Variants in CHD9 observed in about 807,000 individuals in gnomAD.
CHD9 encodes chromodomain helicase DNA binding protein 9.
CHD9 carries 77 observed loss-of-function variants against 316.1 expected under a neutral mutation model. The observed-to-expected ratio is 0.24, with a 90% CI of 0.20 to 0.29. CHD9 has a LOEUF of 0.29. Among genes scored for constraint, CHD9 ranks in the 10% least tolerant of loss-of-function variants. CHD9 has a pLI of 1.00. For missense variants in CHD9, 2,763 were observed against 3,438.1 expected (o/e 0.80, Z 4.91); for synonymous variants, 1,129 against 1,158.3 (o/e 0.97, Z 0.51).
At chr16:53,298,091 A>G (rs2054970220) in intron 30 of CHD9, 1 of 152,234 alleles carries the variant, frequency 6.6e-6, no homozygotes, top group Non-Finnish European at 1.5e-5. Flanking sequence ...TTTAAAAGGG[A>G]AAGAGCTAAC....
chr16:53,063,191 G>A (rs1418675865), intron 1 of CHD9, among the ~76,000 whole-genome samples: 2 of 143,474 alleles, frequency 1.4e-5, no homozygotes, highest in Non-Finnish European at 3.1e-5. Context: ...ACTATTTGAG[G>A]TAGGGACTCT....
rs540216225 is a variant in CHD9 at position 53,147,343 on chromosome 16, A to T, written c.-164-8583A>T. Among the ~76,000 whole-genome samples the T allele has an allele frequency of 7.2e-5, 11 of 152,248 alleles. No individual in the cohort carries two copies. In the South Asian group the frequency reaches 2.3e-3, roughly 32 times the overall value. On this transcript the variant is annotated intron_variant, in intron 1 of 38. Coordinates refer to ENST00000447540, the MANE Select transcript of CHD9 (RefSeq NM_001308319.2). ...AGAACGTATATTCCTGACTTTCAAGATTGTTTTTAATTGTAAGATCCATTT... is the reference window on the plus strand; with the variant it reads ...AGAACGTATATTCCTGACTTTCAAGTTTGTTTTTAATTGTAAGATCCATTT...
At chr16:53,301,666 A>G (rs534114994) in intron 30 of CHD9, among the ~76,000 whole-genome samples, 4 of 151,292 alleles carry the variant, frequency 2.6e-5, no homozygotes, top group Non-Finnish European at 5.9e-5. Context: ...TTTTTTTCAA[A>G]TTTTTTTGTT....
intron 24 of CHD9, among the ~76,000 whole-genome samples, chr16:53,282,252 C>G (rs1169117778): frequency 6.6e-6 from 1 of 152,138 alleles, no homozygotes; most frequent in Non-Finnish European, 1.5e-5. Flanking sequence ...TGCTTTTGGA[C>G]CCAAAATATC....
intron 11 of CHD9, 41 bp from the exon 12 acceptor site, chr16:53,238,302 A>C: frequency 6.6e-7 from 1 of 1,513,140 alleles, no homozygotes; most frequent in Non-Finnish European, 8.9e-7. Flanking sequence ...TATAGAAAAA[A>C]AACCCAATGT....
At chr16:53,135,910 T>C (rs780737596) in intron 1 of CHD9, among the ~76,000 whole-genome samples, 6 of 151,782 alleles carry the variant, frequency 4.0e-5, no homozygotes, top group South Asian at 2.1e-4. Context: ...TTGAGAGAAA[T>C]AAATCAATAT....
chr16:53,316,879 A>C (rs1949689788), intron 36 of CHD9, among the ~76,000 whole-genome samples: 1 of 152,184 alleles, frequency 6.6e-6, no homozygotes, highest in Non-Finnish European at 1.5e-5. Flanking sequence ...TAACACAAGA[A>C]GAGGATGTTC....
At position 53,245,180 on chromosome 16, in the gene CHD9, A is replaced by G. The variant is rs1164751641; in HGVS notation, c.3055-156A>G. On this transcript the variant is annotated intron_variant, in intron 13 of 38. Transcript: ENST00000447540. The surrounding 1 kb of genome is among the most constrained non-coding windows in gnomAD (Gnocchi z 4.1). ...CAAGACCTTGTCTCTAAACAAACAA[A>G]CAAATATATATATATACACACACAC... is the stretch of plus-strand genomic sequence containing the variant. Among the ~76,000 whole-genome samples, 2 of 147,926 alleles carry G rather than the reference A, an allele frequency of 1.4e-5. No homozygotes were observed. The highest frequency in any genetic ancestry group is 5.1e-5 in the African/African-American group (2 of 39,504).
chr16:53,246,860 A>G (rs367600891), intron 15 of CHD9, among the ~76,000 whole-genome samples: 10 of 152,268 alleles, frequency 6.6e-5, no homozygotes, highest in African/African-American at 2.4e-4. Context: ...GATGGCTAAC[A>G]AGATGCCCAT....
At chr16:53,321,210 C>T (rs1006965267) in intron 37 of CHD9, 25 of 1,314,048 alleles carry the variant, frequency 1.9e-5, no homozygotes, top group Non-Finnish European at 2.4e-5. Context: ...CTCGAGTTCA[C>T]ATAGCTGGTA....
intron 1 of CHD9, among the ~76,000 whole-genome samples, chr16:53,090,965 C>T (rs1035647996): frequency 2.0e-5 from 3 of 151,188 alleles, no homozygotes; most frequent in Non-Finnish European, 2.9e-5. Context: ...GCATCTGCTG[C>T]CCTGTGTTTT....
chr16:53,076,722 G>C (rs1216613954), intron 1 of CHD9, among the ~76,000 whole-genome samples: 1 of 151,886 alleles, frequency 6.6e-6, no homozygotes, highest in Non-Finnish European at 1.5e-5. Context: ...GCAGTGAGCT[G>C]AGATCATGCC....
At chr16:53,209,140 G>A (rs1013886303) in intron 2 of CHD9, among the ~76,000 whole-genome samples, 1 of 152,074 alleles carries the variant, frequency 6.6e-6, no homozygotes. Flanking sequence ...GAAGAGGAAA[G>A]AAAAGACTTT....
Position 53,157,127 on chromosome 16 carries a change from G to C in CHD9, c.1038G>C (p.Gln346His). ...NFQILHSSHP[Q>H]GNYSNSKLSP... ...AAATATTGCATTCATCACATCCTCA[G>C]GGTAATTATAGCAATTCAAAATTAT... Residue 346 changes from glutamine to histidine, a missense_variant, in exon 2 of 39, where the codon CAG (glutamine) becomes CAC (histidine). Physicochemically the swap from Gln to His is conservative, Grantham distance 24. Around this residue, in one of 15 missense-constraint regions of CHD9, gnomAD observed 859 missense variants for 890.4 expected, o/e 0.96. Transcript: ENST00000447540. The C allele has an allele frequency of 6.2e-7, 1 of 1,610,504 alleles. No individual in the cohort carries two copies. The highest frequency in any genetic ancestry group is 1.3e-5 in the African/African-American group (1 of 75,008).
chr16:53,101,509 G>A (rs2036886842), intron 1 of CHD9, among the ~76,000 whole-genome samples: 1 of 152,126 alleles, frequency 6.6e-6, no homozygotes, highest in African/African-American at 2.4e-5. Context: ...TAATCAGGAT[G>A]TAAACTTATG....
In CHD9 at chr16:53,068,264, A is replaced by G. The variant is rs200937095; in HGVS notation, c.-165+13187A>G. On this transcript the variant is annotated intron_variant, in intron 1 of 38. Transcript: ENST00000447540. Reference sequence around the variant, plus strand: ...TAGTCCTCTATGAATAGAAGTTGTTATTGTTGTTAGTCTGCCATTCAAGTT... The same window carrying G: ...TAGTCCTCTATGAATAGAAGTTGTTGTTGTTGTTAGTCTGCCATTCAAGTT... Among the ~76,000 whole-genome samples the G allele has an allele frequency of 1.1e-4, 16 of 152,230 alleles. No individual in the cohort carries two copies. The East Asian group carries it at 2.9e-3, about 28-fold the overall frequency.
chr16:53,104,652 A>T (rs1294087223), intron 1 of CHD9, among the ~76,000 whole-genome samples: 1 of 151,888 alleles, frequency 6.6e-6, no homozygotes, highest in Non-Finnish European at 1.5e-5. Context: ...CTCTACTAAA[A>T]ATACAAAAAA....
chr16:53,124,514 G>A (rs118158129), intron 1 of CHD9, among the ~76,000 whole-genome samples: 1,767 of 123,572 alleles, frequency 0.014, 25 homozygotes, highest in Middle Eastern at 0.054. Flanking sequence ...GTCTCGCTCT[G>A]TCATCCAGGC....
chr16:53,267,861 CTA>C (rs2051847611), intron 21 of CHD9, 64 bp from the exon 22 acceptor site: 1 of 1,393,070 alleles, frequency 7.2e-7, no homozygotes, highest in African/African-American at 1.4e-5. Context: ...TTCCTTTTAT[CTA>C]TGAGTTAATA....
Sources: gnomAD v4.1 joint callset for allele counts (sites outside exome capture counted in the v4.1 genomes callset) on GRCh38, gnomAD v4.1.1 for gene constraint, gnomAD v4.1.1 regional missense constraint, Gnocchi (gnomAD v3.1) non-coding constraint, MANE v1.5 for transcripts, NCBI Gene and HGNC (gene_info 2026-07-23, HGNC 2026-07-21) for gene names.